Variants in GSE1 observed in about 807,000 individuals in gnomAD.
The protein encoded by GSE1 is Gse1 coiled-coil protein, also known as genetic suppressor element 1.
Under a neutral mutation model 112.6 loss-of-function variants are expected in GSE1, and 32 were observed. The ratio of observed to expected loss-of-function variants is 0.28; its 90% CI spans 0.21 to 0.38. GSE1 has a LOEUF of 0.38. GSE1 is among the 10% of genes least tolerant of loss of function. The pLI, the probability that GSE1 is intolerant of heterozygous loss-of-function variation, is 1.00. For missense variants in GSE1, 2,348 were observed against 1,699.2 expected, an observed-to-expected ratio of 1.38 and a Z score of -6.71; for synonymous variants, 1,115 against 735.6, an observed-to-expected ratio of 1.52 and a Z score of -8.35.
chr16:85,547,335 T>A (rs2151223880), intron 2 of GSE1, among the ~76,000 whole-genome samples: 1 of 152,334 alleles, frequency 6.6e-6, no homozygotes, highest in Middle Eastern at 3.4e-3. Flanking sequence ...AATCCATGTG[T>A]CAGCGGGGCC....
chr16:85,613,100 GC>G, upstream of GSE1: 5 of 716,682 alleles, frequency 7.0e-6, no homozygotes, highest in Non-Finnish European at 9.6e-6. Flanking sequence ...GCCCGTCGGT[GC>G]GCGCGCGCGC....
At chr16:85,611,784 A>C (rs1447840197), upstream of GSE1, among the ~76,000 whole-genome samples, 2 of 150,860 alleles carry the variant, frequency 1.3e-5, no homozygotes, top group African/African-American at 4.9e-5. Context: ...TAGGCCCGCC[A>C]GCGTCATCGG....
rs2051943439 is a variant in GSE1, at chr16:85,656,399, GT to G, written c.1047del (p.Glu350SerfsTer83). Reference protein sequence around the residue: ...REREREREREREREADREREK... With the variant: ...REREREREREXEREADREREK... ...AGGGAGCGCGAGCGCGAGCGCGAGCGTGAGCGTGAGGCTGACCGCGAGCGGG... is the reference window on the plus strand; with the variant it reads ...AGGGAGCGCGAGCGCGAGCGCGAGCGGAGCGTGAGGCTGACCGCGAGCGGG... On this transcript the variant is annotated frameshift_variant, in exon 7 of 16. Coordinates refer to ENST00000253458, the MANE Select transcript of GSE1 (RefSeq NM_014615.5). LOFTEE classifies it high-confidence loss of function. 6.8e-7 allele frequency: 1 copy of G among 1,461,976 alleles called. No individual in the cohort carries two copies. The highest frequency in any genetic ancestry group is 2.1e-5 in the African/African-American group (1 of 48,432). 90.6% of individuals were successfully genotyped at this position (1,461,976 alleles called of 1,614,324 possible).
At chr16:85,461,641 A>C (rs1301859210) in intron 2 of GSE1, among the ~76,000 whole-genome samples, 1 of 152,126 alleles carries the variant, frequency 6.6e-6, no homozygotes, top group Non-Finnish European at 1.5e-5. Context: ...TAGTGGCTCA[A>C]ATGAAAGCCC....
intron 1 of GSE1, among the ~76,000 whole-genome samples, chr16:85,221,407 T>C (rs1209441186): frequency 6.6e-6 from 1 of 151,568 alleles, no homozygotes; most frequent in Non-Finnish European, 1.5e-5. Flanking sequence ...ACATACCACA[T>C]ACATACCCTG....
intron 1 of GSE1, among the ~76,000 whole-genome samples, chr16:85,605,972 G>T (rs551741869): frequency 3.3e-5 from 5 of 152,126 alleles, no homozygotes; most frequent in African/African-American, 1.2e-4. Context: ...CAGTGAACTG[G>T]ACCTGTTTCT....
chr16:85,350,852 C>T lies in GSE1; in HGVS notation c.2284-6611C>T, dbSNP rs370380372. 3.1e-4 allele frequency among the ~76,000 whole-genome samples: 47 copies of T among 152,268 alleles called. No homozygotes were observed. In the East Asian group the frequency reaches 8.5e-3, roughly 28 times the overall value. ...AGTGCAGTGGTGCAATGATCTCAGCCCCCTGCAACCTCTGCCTCCTGGGTT... is the reference window on the plus strand; with the variant it reads ...AGTGCAGTGGTGCAATGATCTCAGCTCCCTGCAACCTCTGCCTCCTGGGTT... On this transcript the variant is annotated intron_variant, in intron 1 of 2. Coordinates refer to the GSE1 transcript ENST00000637419.
chr16:85,479,744 A>G (rs545790467), intron 2 of GSE1, among the ~76,000 whole-genome samples: 1 of 152,284 alleles, frequency 6.6e-6, no homozygotes, highest in Middle Eastern at 3.4e-3. Context: ...GGGACGTCCC[A>G]TTGCCGTGTG....
chr16:85,393,909 G>A (rs999548373), intron 2 of GSE1, among the ~76,000 whole-genome samples: 3 of 152,152 alleles, frequency 2.0e-5, no homozygotes, highest in Admixed American at 1.3e-4. Context: ...GCTTGCGCCC[G>A]GCAGTCCTGA....
chr16:85,561,205 G>T (rs1011044308), intron 1 of GSE1, among the ~76,000 whole-genome samples: 1 of 152,004 alleles, frequency 6.6e-6, no homozygotes, highest in African/African-American at 2.4e-5. Context: ...CGCCAGACAC[G>T]GTGCTTCCTC....
upstream of GSE1, among the ~76,000 whole-genome samples, chr16:85,607,254 T>C (rs547766968): frequency 6.6e-6 from 1 of 151,984 alleles, no homozygotes; most frequent in Non-Finnish European, 1.5e-5. Context: ...CCCGCTCCAG[T>C]AGGAGAGGCA....
At chr16:85,396,140 C>T (rs895076531) in intron 2 of GSE1, among the ~76,000 whole-genome samples, 1 of 152,204 alleles carries the variant, frequency 6.6e-6, no homozygotes, top group African/African-American at 2.4e-5. Flanking sequence ...TCACTGGGAC[C>T]CCATGAGCAG....
intron 1 of GSE1, among the ~76,000 whole-genome samples, chr16:85,291,899 C>T (rs917880192): frequency 3.9e-5 from 6 of 152,188 alleles, no homozygotes; most frequent in Admixed American, 6.5e-5. Flanking sequence ...TTATTAGAGC[C>T]GGCTTTGGGT....
intron 2 of GSE1, among the ~76,000 whole-genome samples, chr16:85,375,033 G>T (rs2047388757): frequency 6.6e-6 from 1 of 152,208 alleles, no homozygotes; most frequent in Non-Finnish European, 1.5e-5. Context: ...GCCACTCGCT[G>T]CTGTGTGACC....
intron 1 of GSE1, among the ~76,000 whole-genome samples, chr16:85,295,746 T>C (rs971904664): frequency 6.6e-5 from 10 of 150,862 alleles, no homozygotes; most frequent in African/African-American, 1.9e-4. Context: ...CTTTTTCCCA[T>C]GGACAACTGG....
chr16:85,178,381 G>A (rs2074511560), intron 1 of GSE1, among the ~76,000 whole-genome samples: 1 of 152,142 alleles, frequency 6.6e-6, no homozygotes, highest in East Asian at 1.9e-4. Context: ...CGGGCACGAG[G>A]GGTGGGCAGG....
chr16:85,473,164 CT>C, intron 2 of GSE1, among the ~76,000 whole-genome samples: 2 of 152,382 alleles, frequency 1.3e-5, no homozygotes, highest in East Asian at 3.9e-4. Flanking sequence ...GGCCTATTTG[CT>C]GGTCACTGAC....
chr16:85,668,255 G>T lies in GSE1; in HGVS notation c.3246G>T (p.Gln1082His). The change falls in exon 14 of 16, where the codon CAG becomes CAT. Residue 1082 changes from glutamine to histidine, a missense_variant. Physicochemically the swap from Gln to His is conservative, Grantham distance 24 (BLOSUM62 0). Transcript: ENST00000253458. Reference protein sequence around the residue: ...SRAPPPQHNGQQEPPTARKGP... With the variant: ...SRAPPPQHNGHQEPPTARKGP... Reference sequence around the variant, plus strand: ...CCCCTCCACCCCAGCACAATGGGCAGCAGGAGCCCCCCACTGCAAGGAAGG... The same window carrying T: ...CCCCTCCACCCCAGCACAATGGGCATCAGGAGCCCCCCACTGCAAGGAAGG... 2 of 1,612,596 alleles carry T rather than the reference G, an allele frequency of 1.2e-6. No homozygotes were observed. The highest frequency in any genetic ancestry group is 2.2e-5 in the South Asian group (2 of 91,060).
At chr16:85,340,714 G>A (rs996374509) in intron 1 of GSE1, among the ~76,000 whole-genome samples, 18 of 152,172 alleles carry the variant, frequency 1.2e-4, no homozygotes, top group Admixed American at 2.0e-4. Context: ...TGTGTGGTGC[G>A]TTCCTAGCTT....
Sources: gnomAD v4.1 joint callset for allele counts (sites outside exome capture counted in the v4.1 genomes callset) on GRCh38, gnomAD v4.1.1 for gene constraint, MANE v1.5 for transcripts, NCBI Gene and HGNC (gene_info 2026-07-23, HGNC 2026-07-21) for gene names.